Variants in PLPP1 observed in about 807,000 individuals in gnomAD.
The protein encoded by PLPP1 is phospholipid phosphatase 1.
Under a neutral mutation model 31.2 loss-of-function variants are expected in PLPP1, and 24 were observed. That is an observed-to-expected ratio of 0.77 (90% CI 0.56 to 1.08). The LOEUF (loss-of-function observed/expected upper bound fraction) is 1.08, where lower values mean the gene tolerates loss of function less well. PLPP1 is among the 50% of genes least tolerant of loss of function. The probability of loss-of-function intolerance (pLI) is 0.00; values close to 1 mark genes in which losing one functional copy is unlikely to be tolerated. For synonymous variants in PLPP1, 146 were observed against 126.3 expected, an observed-to-expected ratio of 1.16 and a Z score of -1.05; for missense variants, 319 against 342.7, an observed-to-expected ratio of 0.93 and a Z score of 0.55.
chr5:55,511,870 C>T (rs1244113061), intron 1 of PLPP1, among the ~76,000 whole-genome samples: 2 of 150,796 alleles, frequency 1.3e-5, no homozygotes, highest in Non-Finnish European at 1.5e-5. Context: ...GGGGTTTCAC[C>T]GTGTTAGCCA....
rs1345399447 is a variant in PLPP1, at chr5:55,515,688, C to G, written c.58+18884G>C. On this transcript the variant is annotated intron_variant, in intron 1 of 5. Coordinates refer to ENST00000307259, the MANE Select transcript of PLPP1 (RefSeq NM_003711.4). ...GATCGTTACCACTCTCTCCACTTGGCTTCCCAGAAACACTCTCCTAGCTTT... is the reference window on the plus strand; with the variant it reads ...GATCGTTACCACTCTCTCCACTTGGGTTCCCAGAAACACTCTCCTAGCTTT... Among the ~76,000 whole-genome samples, 4 of 152,040 alleles carry G rather than the reference C, an allele frequency of 2.6e-5. No individual in the cohort carries two copies. The East Asian group carries it at 7.8e-4, about 30-fold the overall frequency.
chr5:55,488,185 ATAC>A (rs924333309), intron 1 of PLPP1, among the ~76,000 whole-genome samples: 60 of 152,066 alleles, frequency 3.9e-4, no homozygotes, highest in African/African-American at 1.3e-3. Context: ...AAAAAGATTG[ATAC>A]TAAGTCTTTT....
intron 4 of PLPP1, among the ~76,000 whole-genome samples, chr5:55,432,861 T>C (rs1200506866): frequency 6.7e-6 from 1 of 149,324 alleles, no homozygotes; most frequent in Admixed American, 6.7e-5. Flanking sequence ...CTCAACATGA[T>C]AAATGTTGCA....
chr5:55,532,789 TCTACTAAAAATA>T (rs1740717426), intron 1 of PLPP1, among the ~76,000 whole-genome samples: 1 of 151,948 alleles, frequency 6.6e-6, no homozygotes, highest in South Asian at 2.1e-4. Flanking sequence ...AAACCCCGTC[TCTACTAAAAATA>T]CGAAAGTTAG....
chr5:55,452,423 G>A (rs144853643), intron 3 of PLPP1, among the ~76,000 whole-genome samples: 1 of 152,206 alleles, frequency 6.6e-6, no homozygotes, highest in East Asian at 1.9e-4. Context: ...CTCACCAGAA[G>A]CCAAGCAGAT....
intron 1 of PLPP1, among the ~76,000 whole-genome samples, chr5:55,517,071 A>G (rs1050227335): frequency 3.3e-5 from 5 of 152,240 alleles, no homozygotes; most frequent in African/African-American, 9.6e-5. Context: ...CATAGCAACT[A>G]TAACACTTCT....
intron 1 of PLPP1, chr5:55,530,805 C>A: frequency 7.0e-7 from 1 of 1,435,990 alleles, no homozygotes; most frequent in Non-Finnish European, 9.8e-7. Flanking sequence ...GCGCGGTCCG[C>A]ACGGGCGTTT....
In PLPP1 at chr5:55,468,304, C is replaced by G. The variant is rs77439781; in HGVS notation, c.211-155G>C. On this transcript the variant is annotated intron_variant, in intron 2 of 5. Coordinates refer to ENST00000307259, the MANE Select transcript of PLPP1 (RefSeq NM_003711.4). ...TTTTTTCTTTACAATGGAGAGTCAACTTAGGATATCCAATTCTAAACCACA... is the reference window on the plus strand; with the variant it reads ...TTTTTTCTTTACAATGGAGAGTCAAGTTAGGATATCCAATTCTAAACCACA... 2.7e-3 allele frequency: 1,737 copies of G among 636,694 alleles called. 19 individuals are homozygous for G. The African/African-American group carries it at 0.028, about 10-fold the overall frequency. 39.4% of individuals were successfully genotyped at this position (636,694 alleles called of 1,614,324 possible).
chr5:55,473,532 AAATT>A (rs1383430903), intron 2 of PLPP1, among the ~76,000 whole-genome samples: 1 of 152,196 alleles, frequency 6.6e-6, no homozygotes, highest in Non-Finnish European at 1.5e-5. Context: ...AGACATTTCT[AAATT>A]AAGAAGCTTT....
chr5:55,447,344 C>T (rs1161008417), intron 3 of PLPP1, among the ~76,000 whole-genome samples: 2 of 152,186 alleles, frequency 1.3e-5, no homozygotes, highest in East Asian at 3.8e-4. Flanking sequence ...CACCATTTCC[C>T]CCAGGTATGC....
chr5:55,458,783 G>A (rs534247345), intron 3 of PLPP1, among the ~76,000 whole-genome samples: 1 of 149,942 alleles, frequency 6.7e-6, no homozygotes, highest in African/African-American at 2.4e-5. Context: ...AGCTACTCGG[G>A]AGGCTGAAGT....
chr5:55,464,583 G>A (rs1384238435), intron 3 of PLPP1, among the ~76,000 whole-genome samples: 6 of 152,112 alleles, frequency 3.9e-5, no homozygotes, highest in Non-Finnish European at 7.3e-5. Flanking sequence ...CAACTCAAAT[G>A]TCCATCAATA....
At chr5:55,497,384 T>G (rs951185971) in intron 1 of PLPP1, among the ~76,000 whole-genome samples, 1 of 151,726 alleles carries the variant, frequency 6.6e-6, no homozygotes, top group African/African-American at 2.4e-5. Context: ...TAGCTGTGAC[T>G]ACAGGCCTGT....
At chr5:55,453,883 G>A (rs1440173193) in intron 3 of PLPP1, among the ~76,000 whole-genome samples, 1 of 152,162 alleles carries the variant, frequency 6.6e-6, no homozygotes, top group Non-Finnish European at 1.5e-5. Context: ...GGAAGTTGCA[G>A]TGAGCTGAGA....
rs538880380 is a variant in PLPP1, at chr5:55,447,601, A to G, written c.492-5693T>C. ...CGAAAAGTCACGTCTCTGCAGCTCAAATCTGAGTCTTCCCAACTCTTTCTG... is the reference window on the plus strand; with the variant it reads ...CGAAAAGTCACGTCTCTGCAGCTCAGATCTGAGTCTTCCCAACTCTTTCTG... On this transcript the variant is annotated intron_variant, in intron 3 of 5. Transcript: ENST00000307259. Among the ~76,000 whole-genome samples the G allele has an allele frequency of 2.6e-5, 4 of 152,266 alleles. No homozygotes were observed. The East Asian group carries it at 5.8e-4, about 22-fold the overall frequency.
rs71622175 is a variant in PLPP1, at chr5:55,425,853, G to A, written c.726+10C>T. 2.0e-3 allele frequency: 3,154 copies of A among 1,588,276 alleles called. 10 individuals carry two copies. The highest frequency in any genetic ancestry group is 2.5e-3 in the Non-Finnish European group (2,957 of 1,169,474). ...ATATCAAGATGTAGGCTGTTGACCTGTATACTTACAACTAATATTGCAACC... is the reference window on the plus strand; with the variant it reads ...ATATCAAGATGTAGGCTGTTGACCTATATACTTACAACTAATATTGCAACC... On this transcript the variant is annotated intron_variant, in intron 5 of 5. Transcript: ENST00000307259.
At chr5:55,426,790 G>T (rs1158413223) in intron 4 of PLPP1, among the ~76,000 whole-genome samples, 2 of 151,966 alleles carry the variant, frequency 1.3e-5, no homozygotes, top group East Asian at 3.9e-4. Flanking sequence ...CCTATCTAGG[G>T]ACTATTTCAT....
intron 1 of PLPP1, among the ~76,000 whole-genome samples, chr5:55,495,920 C>G (rs558909995): frequency 6.6e-6 from 1 of 152,156 alleles, no homozygotes; most frequent in African/African-American, 2.4e-5. Flanking sequence ...TGCAGAGGTG[C>G]GATCTTGGCT....
Position 55,534,725 on chromosome 5 carries a change from G to T in PLPP1, c.-96C>A. ...TCGAGCCCGGGCCGGGGCTGGCGAC[G>T]GCCCCGAGCTACGGCCCCTCCCAGC... is the stretch of plus-strand genomic sequence containing the variant. On this transcript the variant is annotated 5_prime_UTR_variant, in exon 1 of 6. Transcript: ENST00000307259. 1 of 1,297,786 alleles carries T rather than the reference G, an allele frequency of 7.7e-7. No homozygotes were observed. The highest frequency in any genetic ancestry group is 1.4e-5 in the South Asian group (1 of 71,256). The allele number at this position is 1,297,786 out of a possible 1,614,324, so 80.4% of individuals were successfully genotyped here.
Sources: allele counts gnomAD v4.1 joint callset (sites outside exome capture counted in the v4.1 genomes callset), GRCh38; gene constraint gnomAD v4.1.1; transcripts MANE v1.5; gene names NCBI Gene and HGNC (gene_info 2026-07-23, HGNC 2026-07-21).